Variants in NRXN1 observed in about 807,000 individuals in gnomAD.
NRXN1 encodes the protein neurexin-1.
A neutral mutation model predicts 150.9 loss-of-function variants in NRXN1; 39 were observed. The ratio of observed to expected loss-of-function variants is 0.26; its 90% CI spans 0.20 to 0.34. The LOEUF (loss-of-function observed/expected upper bound fraction) is 0.34, where lower values mean the gene tolerates loss of function less well. Ranked by LOEUF, NRXN1 falls within the 10% of genes least tolerant of loss-of-function variation. The pLI, the probability that NRXN1 is intolerant of heterozygous loss-of-function variation, is 1.00. For synonymous variants in NRXN1, 924 were observed against 757.0 expected, an observed-to-expected ratio of 1.22 and a Z score of -3.62; for missense variants, 1,815 against 1,949.9, an observed-to-expected ratio of 0.93 and a Z score of 1.30.
At position 50,757,606 on chromosome 2, in the gene NRXN1, A is replaced by G. The variant is rs147325346; in HGVS notation, c.833-133991T>C. On this transcript the variant is annotated intron_variant, in intron 5 of 22. Coordinates refer to ENST00000401669, the MANE Select transcript of NRXN1 (RefSeq NM_001330078.2). The stretch of plus-strand genomic sequence containing the variant: ...ACATGCAGTATCTCCCTTTTTAAAA[A>G]GTTCTCAATAAAATACCTTAATCAA... Among the ~76,000 whole-genome samples, 535 of 151,894 alleles carry G rather than the reference A, an allele frequency of 3.5e-3. 4 individuals carry two copies. Among genetic ancestry groups the G allele is most frequent in the African/African-American group, 0.012 (480 of 41,524 alleles).
At chr2:50,153,386 T>C (rs1455907402) in intron 18 of NRXN1, among the ~76,000 whole-genome samples, 3 of 151,396 alleles carry the variant, frequency 2.0e-5, no homozygotes, top group East Asian at 1.9e-4. Context: ...CCCAATTCTT[T>C]ATATGTAATT....
intron 2 of NRXN1, among the ~76,000 whole-genome samples, chr2:51,025,184 A>T (rs1262713568): frequency 6.6e-6 from 1 of 152,068 alleles, no homozygotes; most frequent in African/African-American, 2.4e-5. Context: ...GATCTTTTGC[A>T]CTCCATTTTC....
At chr2:50,360,210 G>C (rs1392576975) in intron 17 of NRXN1, among the ~76,000 whole-genome samples, 1 of 152,006 alleles carries the variant, frequency 6.6e-6, no homozygotes, top group East Asian at 1.9e-4. Context: ...TCAACTAATG[G>C]GCAAAGTAAC....
intron 5 of NRXN1, among the ~76,000 whole-genome samples, chr2:50,625,433 C>T (rs1680843689): frequency 6.6e-6 from 1 of 152,064 alleles, no homozygotes; most frequent in African/African-American, 2.4e-5. Context: ...GGAAAGACCT[C>T]CCAATCTGTA....
chr2:50,894,367 A>G (rs1266801682), intron 5 of NRXN1, among the ~76,000 whole-genome samples: 1 of 151,510 alleles, frequency 6.6e-6, no homozygotes, highest in Non-Finnish European at 1.5e-5. Flanking sequence ...AATAAAATTA[A>G]TACAACTGAG....
intron 5 of NRXN1, among the ~76,000 whole-genome samples, chr2:50,920,251 T>C (rs1282769874): frequency 6.6e-6 from 1 of 151,670 alleles, no homozygotes; most frequent in Non-Finnish European, 1.5e-5. Context: ...CTGGTGAAGT[T>C]AAAAAATAAT....
At chr2:49,985,001 G>T (rs529759597) in intron 21 of NRXN1, among the ~76,000 whole-genome samples, 1 of 152,176 alleles carries the variant, frequency 6.6e-6, no homozygotes, top group Non-Finnish European at 1.5e-5. Context: ...TATAGGGAGA[G>T]AATAACTTAG....
chr2:50,803,237 A>C (rs1206944795), intron 5 of NRXN1, among the ~76,000 whole-genome samples: 2 of 152,354 alleles, frequency 1.3e-5, no homozygotes, highest in African/African-American at 4.8e-5. Context: ...TTTCAATTAC[A>C]GGAAAAAATA....
intron 18 of NRXN1, among the ~76,000 whole-genome samples, chr2:50,196,290 A>G (rs1333264910): frequency 6.6e-6 from 1 of 152,128 alleles, no homozygotes; most frequent in Non-Finnish European, 1.5e-5. Context: ...TCTAATTTCT[A>G]TAGCTGAGAA....
At chr2:50,478,394 G>A (rs1283739773) in intron 15 of NRXN1, among the ~76,000 whole-genome samples, 2 of 152,170 alleles carry the variant, frequency 1.3e-5, no homozygotes, top group African/African-American at 4.8e-5. Flanking sequence ...TCATTTCTAA[G>A]TTCAAGGCTT....
chr2:50,062,380 T>C (rs1027510855), intron 19 of NRXN1, among the ~76,000 whole-genome samples: 5 of 152,154 alleles, frequency 3.3e-5, no homozygotes, highest in Admixed American at 2.0e-4. Flanking sequence ...CTGTGAAGAA[T>C]GAAGCAAGCC....
chr2:50,104,729 A>G (rs1239751669), intron 18 of NRXN1, among the ~76,000 whole-genome samples: 1 of 151,986 alleles, frequency 6.6e-6, no homozygotes, highest in Non-Finnish European at 1.5e-5. Flanking sequence ...CAGAGCTGTG[A>G]TTTTTCAAGC....
intron 5 of NRXN1, among the ~76,000 whole-genome samples, chr2:50,802,875 G>T (rs781231932): frequency 1.3e-5 from 2 of 152,086 alleles, no homozygotes; most frequent in East Asian, 3.9e-4. Flanking sequence ...AAGAAATGCG[G>T]AAGACTGCCT....
intron 17 of NRXN1, among the ~76,000 whole-genome samples, chr2:50,286,840 C>T (rs1176196252): frequency 6.6e-6 from 1 of 151,994 alleles, no homozygotes; most frequent in Non-Finnish European, 1.5e-5. Flanking sequence ...ATTAAGTGTT[C>T]TTTTGATAAA....
At chr2:50,811,422 A>ATATCT (rs1668200150) in intron 5 of NRXN1, among the ~76,000 whole-genome samples, 1 of 152,196 alleles carries the variant, frequency 6.6e-6, no homozygotes, top group African/African-American at 2.4e-5. Context: ...TCACAGACAA[A>ATATCT]GAATCAAGAT....
intron 16 of NRXN1, among the ~76,000 whole-genome samples, chr2:50,467,873 C>T (rs951083744): frequency 4.0e-5 from 6 of 151,192 alleles, no homozygotes; most frequent in African/African-American, 1.2e-4. Flanking sequence ...CAACTTAGTT[C>T]TTTGTAGTAA....
intron 2 of NRXN1, among the ~76,000 whole-genome samples, chr2:50,971,448 T>G (rs1027909982): frequency 1.3e-5 from 2 of 151,992 alleles, no homozygotes; most frequent in Admixed American, 1.3e-4. Flanking sequence ...CCTGGTGTGC[T>G]GGCAGGCACT....
intron 2 of NRXN1, among the ~76,000 whole-genome samples, chr2:50,994,535 A>G (rs975630130): frequency 5.9e-5 from 9 of 152,138 alleles, no homozygotes; most frequent in African/African-American, 1.9e-4. Flanking sequence ...CTAGGTTTAT[A>G]TCTAGTCTAA....
chr2:50,921,302 T>A (rs186085481), intron 5 of NRXN1, among the ~76,000 whole-genome samples: 1 of 151,810 alleles, frequency 6.6e-6, no homozygotes, highest in East Asian at 1.9e-4. Context: ...AGCTAGTTGA[T>A]AATGCCCTTA....
Sources: allele counts gnomAD v4.1 joint callset (sites outside exome capture counted in the v4.1 genomes callset), GRCh38; gene constraint gnomAD v4.1.1; transcripts MANE v1.5; gene names NCBI Gene and HGNC (gene_info 2026-07-23, HGNC 2026-07-21).